Variants in SPAG17 observed in about 807,000 individuals in gnomAD.
The protein encoded by SPAG17 is sperm-associated antigen 17.
SPAG17 carries 169 observed loss-of-function variants against 273.6 expected under a neutral mutation model. The observed-to-expected ratio is 0.62, with a 90% CI of 0.55 to 0.70. The LOEUF is 0.70. Ranked by LOEUF, SPAG17 falls within the 30% of genes least tolerant of loss-of-function variation. The pLI, the probability that SPAG17 is intolerant of heterozygous loss-of-function variation, is 0.00. For synonymous variants in SPAG17, 825 were observed against 873.2 expected (o/e 0.94, Z 0.97); for missense variants, 2,557 against 2,627.8 (o/e 0.97, Z 0.59).
intron 20 of SPAG17, 53 bp downstream of exon 20, chr1:118,053,949 T>C: frequency 7.6e-7 from 1 of 1,319,156 alleles, no homozygotes; most frequent in Non-Finnish European, 1.1e-6. Context: ...ACTATCCTGT[T>C]GTGTAATACT....
chr1:117,961,535 TTTG>T (rs1290019929), intron 48 of SPAG17: 10 of 152,342 alleles, frequency 6.6e-5, no homozygotes, highest in Admixed American at 3.9e-4. Context: ...TTTTATCTTT[TTTG>T]TTGTTGTTAA....
intron 47 of SPAG17, chr1:117,965,350 A>C (rs1368492820): frequency 6.6e-6 from 1 of 152,166 alleles, no homozygotes. Context: ...CCGACTCCAG[A>C]TTTCTGTTCC....
intron 31 of SPAG17, among the ~76,000 whole-genome samples, chr1:118,007,050 TGTA>T (rs536798048): frequency 9.2e-5 from 14 of 152,222 alleles, no homozygotes; most frequent in Non-Finnish European, 1.9e-4. Context: ...TCTTCTATTC[TGTA>T]GTTTATCTTT....
chr1:118,115,585 G>A (rs1165715688), intron 3 of SPAG17, 144 bp from the exon 4 acceptor site: 1 of 773,006 alleles, frequency 1.3e-6, no homozygotes. Context: ...AAAAAGTTAG[G>A]GAAAAAAATG....
At chr1:118,127,038 T>G (rs1489530359) in intron 3 of SPAG17, among the ~76,000 whole-genome samples, 2 of 152,214 alleles carry the variant, frequency 1.3e-5, no homozygotes, top group African/African-American at 4.8e-5. Context: ...GTTCCATTGG[T>G]CTGTGTATCT....
intron 3 of SPAG17, 33 bp from the exon 4 acceptor site, chr1:118,115,474 T>G: frequency 6.3e-7 from 1 of 1,594,948 alleles, no homozygotes; most frequent in Non-Finnish European, 8.5e-7. Context: ...GAAAAAGTGA[T>G]GTTTTATAAC....
chr1:118,072,902 A>T (rs995859255), intron 17 of SPAG17, among the ~76,000 whole-genome samples: 1 of 152,122 alleles, frequency 6.6e-6, no homozygotes, highest in African/African-American at 2.4e-5. Context: ...TCACAAAACT[A>T]AAACTAAACA....
intron 5 of SPAG17, 52 bp downstream of exon 5, chr1:118,101,688 G>T (rs943797514): frequency 1.8e-5 from 27 of 1,539,086 alleles, no homozygotes; most frequent in East Asian, 4.5e-5. Flanking sequence ...TCATTTTATT[G>T]CCACTGTGTT....
chr1:118,062,777 G>T (rs1207256051), intron 18 of SPAG17, among the ~76,000 whole-genome samples: 5 of 152,016 alleles, frequency 3.3e-5, no homozygotes, highest in Non-Finnish European at 7.4e-5. Flanking sequence ...CATCACTACG[G>T]TCAGAAATTA....
chr1:117,972,118 T>C, intron 44 of SPAG17, 71 bp from the exon 45 acceptor site: 1 of 1,298,888 alleles, frequency 7.7e-7, no homozygotes, highest in Non-Finnish European at 1.1e-6. Context: ...AAAAAGTCCC[T>C]GTCACCAGAG....
At chr1:118,094,563 A>C (rs1173955831) in intron 7 of SPAG17, among the ~76,000 whole-genome samples, 2 of 152,240 alleles carry the variant, frequency 1.3e-5, no homozygotes, top group African/African-American at 4.8e-5. Context: ...GATGGATCCT[A>C]TCTTGGATAT....
intron 3 of SPAG17, among the ~76,000 whole-genome samples, chr1:118,134,044 C>A (rs563531272): frequency 6.6e-6 from 1 of 152,318 alleles, no homozygotes; most frequent in African/African-American, 2.4e-5. Flanking sequence ...TAAATTGGAA[C>A]TATCAGAAGG....
At chr1:118,046,124 G>A (rs1190196828) in intron 20 of SPAG17, among the ~76,000 whole-genome samples, 2 of 152,014 alleles carry the variant, frequency 1.3e-5, no homozygotes, top group South Asian at 2.1e-4. Context: ...TTTGCTTGAG[G>A]CCAGGGGTTC....
intron 1 of SPAG17, among the ~76,000 whole-genome samples, chr1:118,165,036 T>C (rs1660098377): frequency 6.6e-6 from 1 of 152,216 alleles, no homozygotes; most frequent in Non-Finnish European, 1.5e-5. Context: ...CCTGTGACTA[T>C]TTCCCTAAGT....
At chr1:118,122,662 A>G (rs776402612) in intron 3 of SPAG17, among the ~76,000 whole-genome samples, 5 of 152,238 alleles carry the variant, frequency 3.3e-5, no homozygotes, top group African/African-American at 7.2e-5. Flanking sequence ...AGTTGTCCCA[A>G]CTGAGAACAG....
chr1:118,181,672 CA>C (rs1660956409), intron 1 of SPAG17, among the ~76,000 whole-genome samples: 1 of 151,692 alleles, frequency 6.6e-6, no homozygotes, highest in African/African-American at 2.4e-5. Flanking sequence ...AAAACAAAAC[CA>C]AAAAATGAAC....
At chr1:117,961,023 C>CCTGTAATCCCACCA (rs1553208522) in intron 48 of SPAG17, 1 of 152,212 alleles carries the variant, frequency 6.6e-6, no homozygotes, top group Non-Finnish European at 1.5e-5. Context: ...GTGGCTCACG[C>CCTGTAATCCCACCA]CTGTAATCCC....
chr1:117,990,973 TTCTC>T (rs1657009299), intron 37 of SPAG17, 67 bp from the exon 38 acceptor site: 4 of 897,896 alleles, frequency 4.5e-6, no homozygotes, highest in Non-Finnish European at 6.7e-6. Flanking sequence ...TTTAGAAACA[TTCTC>T]TCAAGCTGAT....
In SPAG17 at chr1:117,996,594, T is replaced by G; in HGVS notation, c.4922+4A>C. The G allele has an allele frequency of 6.2e-7, 1 of 1,608,368 alleles. No homozygotes were observed. The highest frequency in any genetic ancestry group is 8.5e-7 in the Non-Finnish European group (1 of 1,178,198). ...AAAGTAAAATTATAGTATTATTCTTTTACCTGGGGACATGTTCACCATAGA... is the reference window on the plus strand; with the variant it reads ...AAAGTAAAATTATAGTATTATTCTTGTACCTGGGGACATGTTCACCATAGA... On this transcript the variant is annotated splice_donor_region_variant and intron_variant, in intron 33 of 48. Transcript: ENST00000336338.
Sources: allele counts gnomAD v4.1 joint callset (sites outside exome capture counted in the v4.1 genomes callset), GRCh38; gene constraint gnomAD v4.1.1; transcripts MANE v1.5; gene names NCBI Gene and HGNC (gene_info 2026-07-23, HGNC 2026-07-21).